Variants in PTPRG observed in about 807,000 individuals in gnomAD.
PTPRG encodes the protein protein tyrosine phosphatase receptor type G, also known as receptor-type tyrosine-protein phosphatase gamma.
Under a neutral mutation model 165.3 loss-of-function variants are expected in PTPRG, and 102 were observed. The ratio of observed to expected loss-of-function variants is 0.62; its 90% CI spans 0.53 to 0.73. PTPRG has a LOEUF of 0.73. PTPRG is among the 30% of genes least tolerant of loss of function. PTPRG has a pLI of 0.00. For synonymous variants in PTPRG, 675 were observed against 669.5 expected (o/e 1.01, Z -0.13); for missense variants, 1,866 against 1,861.4 (o/e 1.00, Z -0.05).
At chr3:62,064,796 A>G (rs1700953930) in intron 4 of PTPRG, among the ~76,000 whole-genome samples, 1 of 137,108 alleles carries the variant, frequency 7.3e-6, no homozygotes, top group Non-Finnish European at 1.5e-5. Flanking sequence ...ATAATGGTGC[A>G]ATCTGGGCTC....
At chr3:62,192,642 A>G (rs558053026) in intron 9 of PTPRG, among the ~76,000 whole-genome samples, 1 of 151,628 alleles carries the variant, frequency 6.6e-6, no homozygotes, top group Non-Finnish European at 1.5e-5. Context: ...CCATCTCCTG[A>G]CCTCATGATC....
In PTPRG at chr3:61,722,222, T is replaced by TACACACACACACAC. The variant is rs111827362; in HGVS notation, c.86-26646_86-26633dup. On this transcript the variant is annotated intron_variant, in intron 1 of 29. Transcript: ENST00000474889. ...GAGCAAAGAGAGAGGGCAAAACAAA[T>TACACACACACACAC]ACACACACACACACACACACACATG... Among the ~76,000 whole-genome samples, 20 of 149,076 alleles carry TACACACACACACAC rather than the reference T, an allele frequency of 1.3e-4. No individual in the cohort carries two copies. The East Asian group carries it at 2.6e-3, about 19-fold the overall frequency.
At position 62,254,444 on chromosome 3, in the gene PTPRG, A is replaced by G. The variant is rs1205643148; in HGVS notation, c.2468-680A>G. On this transcript the variant is annotated intron_variant, in intron 15 of 29. Transcript: ENST00000474889. This position sits in a 1 kb window ranked among gnomAD's most constrained non-coding sequence, Gnocchi z 4.6. ...ACTGAAAGTCTCCTTTTGAAGTGAC[A>G]ACACGAAATAAATGGGAATGTGGAG... 6.6e-6 allele frequency among the ~76,000 whole-genome samples: 1 copy of G among 152,194 alleles called. No individual in the cohort carries two copies. The highest frequency in any genetic ancestry group is 1.5e-5 in the Non-Finnish European group (1 of 68,032).
intron 2 of PTPRG, among the ~76,000 whole-genome samples, chr3:61,778,743 A>C (rs972751664): frequency 6.6e-6 from 1 of 152,168 alleles, no homozygotes; most frequent in Non-Finnish European, 1.5e-5. Context: ...GATAGATAAC[A>C]GCAGCAGGAT....
chr3:61,595,060 T>C (rs1700663734), intron 1 of PTPRG, among the ~76,000 whole-genome samples: 1 of 152,164 alleles, frequency 6.6e-6, no homozygotes, highest in African/African-American at 2.4e-5. Context: ...TTTGTCATTT[T>C]GTCAAAACAC....
At chr3:62,251,227 C>T (rs1701408488) in intron 15 of PTPRG, among the ~76,000 whole-genome samples, 1 of 152,154 alleles carries the variant, frequency 6.6e-6, no homozygotes, top group African/African-American at 2.4e-5. Flanking sequence ...CCCATCTCTA[C>T]AAAAAATATA....
At chr3:61,965,906 C>T (rs76735831) in intron 2 of PTPRG, among the ~76,000 whole-genome samples, 1,980 of 152,304 alleles carry the variant, frequency 0.013, 40 homozygotes, top group African/African-American at 0.045. Context: ...CTGTGCTATG[C>T]ATGATTTCTT....
rs1233410437 is a variant in PTPRG at position 62,132,584 on chromosome 3, T to C, written c.616-18T>C. 2 of 1,578,114 alleles carry C rather than the reference T, an allele frequency of 1.3e-6. No individual in the cohort carries two copies. Among genetic ancestry groups the C allele is most frequent in the African/African-American group, 1.3e-5 (1 of 74,238 alleles). On this transcript the variant is annotated intron_variant, in intron 5 of 29. Transcript: ENST00000474889. ...ATGCCAGAATAGATTTAACCAATCA[T>C]GTTTCCTTTACATTTAGGTCAGTCC... is the stretch of plus-strand genomic sequence containing the variant.
In PTPRG at chr3:62,167,976, G is replaced by A; in HGVS notation, c.846G>A (p.Glu282=). Residue 282 remains glutamate (E), a synonymous_variant, in exon 8 of 30, where the codon GAG becomes GAA. Coordinates refer to ENST00000474889, the MANE Select transcript of PTPRG (RefSeq NM_002841.4). ...RPVPISYHQL[E]AFYSIFTTEQ... Reference sequence around the variant, plus strand: ...CTCTCTGGTCCTCTGTTCAGCTTGAGGCTTTTTATTCCATCTTCACCACGG... The same window carrying A: ...CTCTCTGGTCCTCTGTTCAGCTTGAAGCTTTTTATTCCATCTTCACCACGG... The A allele has an allele frequency of 6.2e-7, 1 of 1,612,456 alleles. No individual in the cohort carries two copies. The highest frequency in any genetic ancestry group is 1.1e-5 in the South Asian group (1 of 91,028).
intron 10 of PTPRG, among the ~76,000 whole-genome samples, chr3:62,199,388 G>A (rs1700044196): frequency 6.6e-6 from 1 of 152,214 alleles, no homozygotes; most frequent in Admixed American, 6.5e-5. Context: ...ACACATGAGG[G>A]GAGTGCCATC....
chr3:61,771,363 T>A (rs1277877412), intron 2 of PTPRG: 1 of 131,524 alleles, frequency 7.6e-6, no homozygotes, highest in Non-Finnish European at 1.6e-5. Flanking sequence ...AGCTTTATCT[T>A]TTTGTCCTTT....
chr3:61,602,344 C>T (rs1700892763), intron 1 of PTPRG, among the ~76,000 whole-genome samples: 1 of 151,932 alleles, frequency 6.6e-6, no homozygotes, highest in Non-Finnish European at 1.5e-5. Context: ...AAGAGAAGTT[C>T]AAACATCCAA....
chr3:61,989,499 T>C (rs761484396), intron 2 of PTPRG, 126 bp from the exon 3 acceptor site: 1 of 858,230 alleles, frequency 1.2e-6, no homozygotes, highest in African/African-American at 1.7e-5. Flanking sequence ...ATTCATAGTT[T>C]TCAGTACATT....
At chr3:61,923,155 C>T (rs2039120850) in intron 2 of PTPRG, among the ~76,000 whole-genome samples, 1 of 152,186 alleles carries the variant, frequency 6.6e-6, no homozygotes, top group African/African-American at 2.4e-5. Flanking sequence ...AATGCTGTGA[C>T]ATACCAGCTC....
intron 4 of PTPRG, 116 bp downstream of exon 4, chr3:62,003,613 C>G: frequency 7.6e-7 from 1 of 1,321,010 alleles, no homozygotes; most frequent in Non-Finnish European, 1.0e-6. Context: ...ACCTAACTTC[C>G]TCTCTCTGGA....
At chr3:61,925,267 G>C (rs999493652) in intron 2 of PTPRG, among the ~76,000 whole-genome samples, 1 of 152,200 alleles carries the variant, frequency 6.6e-6, no homozygotes, top group African/African-American at 2.4e-5. Context: ...TGCTTTTTCT[G>C]CTTTTTCTCT....
In PTPRG at chr3:62,245,009, A is replaced by C. The variant is rs1325557729; in HGVS notation, c.2467+1111A>C. ...CTGAATTGCCCTGTTATGTGTCTGT[A>C]TATTGCTAAGTCATTAGATATTACT... is the stretch of plus-strand genomic sequence containing the variant. On this transcript the variant is annotated intron_variant, in intron 15 of 29. Coordinates refer to ENST00000474889, the MANE Select transcript of PTPRG (RefSeq NM_002841.4). The surrounding 1 kb of genome is among the most constrained non-coding windows in gnomAD (Gnocchi z 4.2). Among the ~76,000 whole-genome samples the C allele has an allele frequency of 6.6e-6, 1 of 152,158 alleles. No homozygotes were observed. Among genetic ancestry groups the C allele is most frequent in the African/African-American group, 2.4e-5 (1 of 41,434 alleles).
At chr3:61,818,786 A>G (rs926224508) in intron 2 of PTPRG, among the ~76,000 whole-genome samples, 1 of 152,118 alleles carries the variant, frequency 6.6e-6, no homozygotes, top group Non-Finnish European at 1.5e-5. Context: ...AAAATATTAA[A>G]AATCACAAGA....
chr3:61,997,200 A>G (rs1258145773), intron 3 of PTPRG, among the ~76,000 whole-genome samples: 2 of 152,170 alleles, frequency 1.3e-5, no homozygotes, highest in African/African-American at 4.8e-5. Context: ...TCTTTACTGG[A>G]TTACTGCTAT....
Sources: allele counts gnomAD v4.1 joint callset (sites outside exome capture counted in the v4.1 genomes callset), GRCh38; gene constraint gnomAD v4.1.1; non-coding constraint Gnocchi (gnomAD v3.1); transcripts MANE v1.5; gene names NCBI Gene and HGNC (gene_info 2026-07-23, HGNC 2026-07-21).